The following SAMSN1 variants were observed in gnomAD, a reference collection of about 807,000 sequenced individuals.
SAMSN1 encodes SAM domain, SH3 domain and nuclear localization signals 1.
SAMSN1 carries 31 observed loss-of-function variants against 42.0 expected under a neutral mutation model. The ratio of observed to expected loss-of-function variants is 0.74; its 90% CI spans 0.55 to 1.00. The LOEUF (loss-of-function observed/expected upper bound fraction) is 1.00. Ranked by LOEUF, SAMSN1 falls within the 50% of genes least tolerant of loss-of-function variation. The probability of loss-of-function intolerance (pLI) is 0.00; values close to 1 mark genes in which losing one functional copy is unlikely to be tolerated. For missense variants in SAMSN1, 464 were observed against 439.4 expected (o/e 1.06, Z -0.50); for synonymous variants, 178 against 151.9 (o/e 1.17, Z -1.26).
intron 2 of SAMSN1, among the ~76,000 whole-genome samples, chr21:14,576,924 A>C (rs1872331864): frequency 6.6e-6 from 1 of 151,546 alleles, no homozygotes; most frequent in Non-Finnish European, 1.5e-5. Flanking sequence ...TTCCTGAAAG[A>C]TCTTTTGTTA....
intron 2 of SAMSN1, among the ~76,000 whole-genome samples, chr21:14,563,505 A>AAAGT (rs1323006065): frequency 1.3e-5 from 2 of 152,150 alleles, no homozygotes; most frequent in African/African-American, 4.8e-5. Flanking sequence ...TTTATTTGGG[A>AAAGT]AAGTTAAGGC....
chr21:14,515,445 C>T (rs1253932166), intron 3 of SAMSN1, among the ~76,000 whole-genome samples: 5 of 151,936 alleles, frequency 3.3e-5, no homozygotes, highest in African/African-American at 1.2e-4. Flanking sequence ...TATATATCTA[C>T]ATGCAAAAGA....
chr21:14,501,064 TG>T (rs59741188), intron 5 of SAMSN1, among the ~76,000 whole-genome samples: 6,450 of 152,036 alleles, frequency 0.042, 437 homozygotes, highest in African/African-American at 0.15. Context: ...TAGACTGAGG[TG>T]GGAGGAGTTC....
At chr21:14,650,810 C>A in intron 1 of SAMSN1, among the ~76,000 whole-genome samples, 1 of 150,620 alleles carries the variant, frequency 6.6e-6, no homozygotes, top group African/African-American at 2.4e-5. Context: ...GAGATAAAGC[C>A]CAAATAAATA....
intron 1 of SAMSN1, among the ~76,000 whole-genome samples, chr21:14,647,397 T>C (rs1198368622): frequency 6.8e-6 from 1 of 147,644 alleles, no homozygotes; most frequent in Non-Finnish European, 1.5e-5. Flanking sequence ...AGCCTTGTAG[T>C]ATAGTTTGAA....
chr21:14,646,961 C>A (rs1397321416), intron 1 of SAMSN1, among the ~76,000 whole-genome samples: 1 of 152,034 alleles, frequency 6.6e-6, no homozygotes, highest in Admixed American at 6.6e-5. Context: ...TGTCTCCAGA[C>A]AAAGTCACCT....
intron 2 of SAMSN1, among the ~76,000 whole-genome samples, chr21:14,624,577 G>C (rs1162436979): frequency 6.6e-6 from 1 of 152,092 alleles, no homozygotes; most frequent in Non-Finnish European, 1.5e-5. Flanking sequence ...ACTAAACCAG[G>C]AAGAATGTGA....
At position 14,498,579 on chromosome 21, in the gene SAMSN1, G is replaced by A; in HGVS notation, c.782C>T (p.Thr261Ile). ...AGTCTCATAACCATTGAGCAAAAGTGTTGAGGTGTATTCCTGTAAGACAAA... is the reference window on the plus strand; with the variant it reads ...AGTCTCATAACCATTGAGCAAAAGTATTGAGGTGTATTCCTGTAAGACAAA... ...ERIHLQEYTS[T>I]LLLNGYETLE... is the part of the protein sequence containing the mutation. The change falls in exon 7 of 8, where the codon ACA becomes ATA. Residue 261 changes from threonine (T) to isoleucine (I), a missense_variant. Coordinates refer to ENST00000400566, the MANE Select transcript of SAMSN1 (RefSeq NM_022136.5). 1 of 1,587,112 alleles carries A rather than the reference G, an allele frequency of 6.3e-7. No individual in the cohort carries two copies. Among genetic ancestry groups the A allele is most frequent in the Non-Finnish European group, 8.5e-7 (1 of 1,172,050 alleles).
chr21:14,643,351 G>A (rs1254441021), intron 1 of SAMSN1, among the ~76,000 whole-genome samples: 1 of 152,108 alleles, frequency 6.6e-6, no homozygotes, highest in Non-Finnish European at 1.5e-5. Flanking sequence ...CATTATTACA[G>A]AGCCAAGAAT....
chr21:14,573,496 G>A (rs867301205), intron 2 of SAMSN1, among the ~76,000 whole-genome samples: 1 of 152,050 alleles, frequency 6.6e-6, no homozygotes, highest in Non-Finnish European at 1.5e-5. Context: ...AGAGAGAAAG[G>A]AGATGGGATA....
chr21:14,488,051 T>C (rs1986515624), intron 7 of SAMSN1, among the ~76,000 whole-genome samples: 1 of 152,156 alleles, frequency 6.6e-6, no homozygotes, highest in Non-Finnish European at 1.5e-5. Flanking sequence ...CTCTGAAGAA[T>C]TGCTTTCTAT....
At chr21:14,519,518 A>G (rs1388505089) in intron 2 of SAMSN1, among the ~76,000 whole-genome samples, 7 of 151,992 alleles carry the variant, frequency 4.6e-5, no homozygotes, top group Non-Finnish European at 1.0e-4. Flanking sequence ...ACACACACAA[A>G]CACATATATG....
chr21:14,602,210 G>A, intron 5 of SAMSN1: 1 of 365,658 alleles, frequency 2.7e-6, no homozygotes. Flanking sequence ...ACATTACATT[G>A]GCTACGTCAA....
intron 2 of SAMSN1, among the ~76,000 whole-genome samples, chr21:14,553,713 A>G (rs1460103813): frequency 6.6e-6 from 1 of 152,188 alleles, no homozygotes; most frequent in African/African-American, 2.4e-5. Flanking sequence ...CTCAATATTT[A>G]GAAGGCTTCT....
At chr21:14,537,375 A>AT (rs145713036) in intron 1 of SAMSN1, among the ~76,000 whole-genome samples, 12,286 of 151,208 alleles carry the variant, frequency 0.081, 1,545 homozygotes, top group African/African-American at 0.27. Context: ...TTTTCTGTTA[A>AT]TTTTTTTTTC....
chr21:14,517,403 C>A (rs1987965579), intron 2 of SAMSN1, among the ~76,000 whole-genome samples: 1 of 152,166 alleles, frequency 6.6e-6, no homozygotes, highest in Non-Finnish European at 1.5e-5. Flanking sequence ...CTTATGTCTA[C>A]ATAGATGAGA....
intron 7 of SAMSN1, chr21:14,496,046 C>T (rs1986903545): frequency 6.6e-6 from 1 of 152,188 alleles, no homozygotes; most frequent in Non-Finnish European, 1.5e-5. Context: ...AAACCATCTT[C>T]CCTCTGTGGG....
chr21:14,585,624 C>G (rs1981893587), upstream of SAMSN1: 1 of 152,142 alleles, frequency 6.6e-6, no homozygotes, highest in African/African-American at 2.4e-5. Flanking sequence ...CTTTTTAAAG[C>G]ATGATATTGT....
intron 1 of SAMSN1, among the ~76,000 whole-genome samples, chr21:14,540,224 A>G (rs1378443340): frequency 6.6e-6 from 1 of 152,218 alleles, no homozygotes; most frequent in Non-Finnish European, 1.5e-5. Flanking sequence ...TTCAGGACAT[A>G]GGCATGGGCA....
Sources: gnomAD v4.1 joint callset for allele counts (sites outside exome capture counted in the v4.1 genomes callset) on GRCh38, gnomAD v4.1.1 for gene constraint, MANE v1.5 for transcripts, NCBI Gene and HGNC (gene_info 2026-07-23, HGNC 2026-07-21) for gene names.